The following PKP4 variants were observed in gnomAD, a reference collection of about 807,000 sequenced individuals.
PKP4 encodes plakophilin 4.
In PKP4, 90 loss-of-function variants were observed where a neutral mutation model predicts 145.1. The ratio of observed to expected loss-of-function variants is 0.62; its 90% CI spans 0.52 to 0.74. The LOEUF (loss-of-function observed/expected upper bound fraction) is 0.74, where lower values mean the gene tolerates loss of function less well. Ranked by LOEUF, PKP4 falls within the 30% of genes least tolerant of loss-of-function variation. The pLI is 0.00. For synonymous variants in PKP4, 563 were observed against 577.2 expected, an observed-to-expected ratio of 0.98 and a Z score of 0.35; for missense variants, 1,340 against 1,482.7, an observed-to-expected ratio of 0.90 and a Z score of 1.58.
chr2:158,646,069 G>A (rs2711069), intron 11 of PKP4, among the ~76,000 whole-genome samples: 138,467 of 152,182 alleles, frequency 0.91, 63,082 homozygotes, highest in East Asian at 0.97. Context: ...TTCTAATTCA[G>A]AAAGAGCTGT....
intron 4 of PKP4, among the ~76,000 whole-genome samples, chr2:158,616,301 G>A (rs2051612150): frequency 1.3e-5 from 2 of 152,016 alleles, no homozygotes; most frequent in Admixed American, 1.3e-4. Flanking sequence ...AATCTTTTTG[G>A]TGCCACCACC....
At position 158,533,294 on chromosome 2, in the gene PKP4, T is replaced by C; in HGVS notation, c.110T>C (p.Ile37Thr). The change falls in exon 2 of 22, where the codon ATT (isoleucine) becomes ACT (threonine). Residue 37 changes from isoleucine to threonine, a missense_variant. Coordinates refer to ENST00000389759, the MANE Select transcript of PKP4 (RefSeq NM_003628.6). ...GMEPETTATT[I>T]LASVKEQELQ... ...GAACCCGAGACCACAGCCACCACTA[T>C]TCTAGCATCCGTGAAGGAGCAGGTA... 1 of 1,614,216 alleles carries C rather than the reference T, an allele frequency of 6.2e-7. No homozygotes were observed. Among genetic ancestry groups the C allele is most frequent in the Non-Finnish European group, 8.5e-7 (1 of 1,180,030 alleles).
At chr2:158,509,958 A>AG (rs1414623109) in intron 1 of PKP4, among the ~76,000 whole-genome samples, 1 of 151,830 alleles carries the variant, frequency 6.6e-6, no homozygotes, top group Non-Finnish European at 1.5e-5. Context: ...AAAAAAAAAA[A>AG]AAAAGAAATA....
chr2:158,607,537 G>C (rs878968972), intron 4 of PKP4, among the ~76,000 whole-genome samples: 2 of 152,116 alleles, frequency 1.3e-5, no homozygotes, highest in Admixed American at 1.3e-4. Context: ...GTAGGTAGAT[G>C]GTTTTGTCAG....
chr2:158,554,646 C>T (rs2045933113), intron 2 of PKP4, among the ~76,000 whole-genome samples: 4 of 152,024 alleles, frequency 2.6e-5, no homozygotes, highest in Admixed American at 2.6e-4. Context: ...AGGATGGTCT[C>T]GATCTCCTGA....
rs182166357 is a variant in PKP4 at position 158,584,308 on chromosome 2, G to A, written c.245+6925G>A. On this transcript the variant is annotated intron_variant, in intron 3 of 21. Coordinates refer to ENST00000389759, the MANE Select transcript of PKP4 (RefSeq NM_003628.6). ...AATTTAATGGTTTCCACGTGCCAGC[G>A]GAATTCCCAAGTGCTGAATACCTTG... Among the ~76,000 whole-genome samples, 38 of 152,318 alleles carry A rather than the reference G, an allele frequency of 2.5e-4. No homozygotes were observed. In the East Asian group the frequency reaches 4.1e-3, roughly 16 times the overall value.
chr2:158,615,165 C>T (rs1413815174), intron 4 of PKP4, among the ~76,000 whole-genome samples: 1 of 151,992 alleles, frequency 6.6e-6, no homozygotes, highest in Non-Finnish European at 1.5e-5. Context: ...TTGTATCTCC[C>T]ACTGACAGAT....
intron 2 of PKP4, among the ~76,000 whole-genome samples, chr2:158,556,047 G>A (rs920343299): frequency 6.6e-6 from 1 of 152,154 alleles, no homozygotes; most frequent in Non-Finnish European, 1.5e-5. Context: ...TTATGAATTA[G>A]AGCCAAGATT....
intron 11 of PKP4, among the ~76,000 whole-genome samples, chr2:158,657,889 G>T (rs1468321025): frequency 6.6e-6 from 1 of 152,052 alleles, no homozygotes; most frequent in Non-Finnish European, 1.5e-5. Flanking sequence ...GATACAGAGG[G>T]TGTATAATAT....
At chr2:158,561,793 C>CTT (rs758042959) in intron 2 of PKP4, among the ~76,000 whole-genome samples, 3 of 145,276 alleles carry the variant, frequency 2.1e-5, no homozygotes, top group Non-Finnish European at 4.5e-5. Flanking sequence ...TCAAGTCAGT[C>CTT]TTTTTTTTTT....
At chr2:158,547,075 C>T (rs532734693) in intron 2 of PKP4, among the ~76,000 whole-genome samples, 1 of 152,162 alleles carries the variant, frequency 6.6e-6, no homozygotes, top group East Asian at 1.9e-4. Context: ...CATGGGGGGG[C>T]AGTGGTAAGT....
intron 1 of PKP4, among the ~76,000 whole-genome samples, chr2:158,514,910 C>T (rs954224109): frequency 1.3e-5 from 2 of 151,986 alleles, no homozygotes; most frequent in Non-Finnish European, 2.9e-5. Context: ...CATTGCACTC[C>T]AGCCTGGGTG....
intron 1 of PKP4, among the ~76,000 whole-genome samples, chr2:158,465,892 A>G (rs1297743733): frequency 1.3e-5 from 2 of 152,226 alleles, no homozygotes; most frequent in African/African-American, 4.8e-5. Context: ...AACAACTCAG[A>G]TGTTAAAGGT....
rs764903809 is a variant in PKP4 at position 158,669,875 on chromosome 2, A to G, written c.2884A>G (p.Ile962Val). 1.9e-5 allele frequency: 31 copies of G among 1,613,524 alleles called. No homozygotes were observed. The Admixed American group carries it at 4.3e-4, about 23-fold the overall frequency. ...AAAAGCCCTGGCCGACTCAGGAGGC[A>G]TAGAGAAGCTGGTGAACATAACCAA... is the stretch of plus-strand genomic sequence containing the variant. ...NAKALADSGG[I>V]EKLVNITKGR... Residue 962 changes from isoleucine to valine, a missense_variant, in exon 17 of 22, where the codon ATA becomes GTA. Ile to Val is a conservative substitution (Grantham distance 29). Transcript: ENST00000389759.
At chr2:158,595,638 A>G (rs2049660831) in intron 3 of PKP4, among the ~76,000 whole-genome samples, 1 of 152,218 alleles carries the variant, frequency 6.6e-6, no homozygotes, top group Non-Finnish European at 1.5e-5. Flanking sequence ...TAAAAATCTT[A>G]AAGTATGTTG....
Position 158,496,792 on chromosome 2 carries a change from G to GTC in PKP4, c.-5-36387_-5-36386insCT, listed in dbSNP as rs1428590162. ...TGTGTGTGTGTGTGTGTGTGTGTGT[G>GTC]TGTCTGTGTGTCTCACTCTCTCTGT... is the stretch of plus-strand genomic sequence containing the variant. On this transcript the variant is annotated intron_variant, in intron 1 of 21. Coordinates refer to ENST00000389759, the MANE Select transcript of PKP4 (RefSeq NM_003628.6). Among the ~76,000 whole-genome samples, 5 of 148,238 alleles carry GTC rather than the reference G, an allele frequency of 3.4e-5. No homozygotes were observed. In the South Asian group the frequency reaches 8.6e-4, roughly 26 times the overall value.
At chr2:158,620,281 A>G (rs1214323412) in intron 4 of PKP4, among the ~76,000 whole-genome samples, 1 of 152,204 alleles carries the variant, frequency 6.6e-6, no homozygotes, top group Admixed American at 6.5e-5. Context: ...TACACCACCT[A>G]AGTTTACGGC....
intron 1 of PKP4, among the ~76,000 whole-genome samples, chr2:158,476,060 C>G (rs1304639727): frequency 6.6e-6 from 1 of 152,126 alleles, no homozygotes; most frequent in Non-Finnish European, 1.5e-5. Context: ...AAAGAAACAT[C>G]CTTATCTTTT....
chr2:158,537,596 G>C (rs2044161154), intron 2 of PKP4, among the ~76,000 whole-genome samples: 1 of 152,192 alleles, frequency 6.6e-6, no homozygotes, highest in Non-Finnish European at 1.5e-5. Context: ...CTACTGTTCA[G>C]CTCAACTCCT....
Sources: allele counts gnomAD v4.1 joint callset (sites outside exome capture counted in the v4.1 genomes callset), GRCh38; gene constraint gnomAD v4.1.1; transcripts MANE v1.5; gene names NCBI Gene and HGNC (gene_info 2026-07-23, HGNC 2026-07-21).